The following ZBTB43 variants were observed in gnomAD, a reference collection of about 807,000 sequenced individuals.
ZBTB43 encodes zinc finger and BTB domain-containing protein 43.
A neutral mutation model predicts 31.1 loss-of-function variants in ZBTB43; 6 were observed. That is an observed-to-expected ratio of 0.19 (90% CI 0.11 to 0.38). ZBTB43 has a LOEUF of 0.38. Ranked by LOEUF, ZBTB43 falls within the 10% of genes least tolerant of loss-of-function variation. The pLI, the probability that ZBTB43 is intolerant of heterozygous loss-of-function variation, is 1.00. For missense variants in ZBTB43, 379 were observed against 602.1 expected (o/e 0.63, Z 3.88); for synonymous variants, 212 against 221.7 (o/e 0.96, Z 0.39).
chr9:126,826,898 A>G (rs1189193565), intron 2 of ZBTB43, among the ~76,000 whole-genome samples: 1 of 152,160 alleles, frequency 6.6e-6, no homozygotes, highest in East Asian at 1.9e-4. Context: ...TTGTGATTCT[A>G]GTGTTGGTGT....
rs371000662 is a variant in ZBTB43, at chr9:126,833,448, G to T, written c.939G>T (p.Glu313Asp). 1 of 1,614,068 alleles carries T rather than the reference G, an allele frequency of 6.2e-7. No individual in the cohort carries two copies. The highest frequency in any genetic ancestry group is 8.5e-7 in the Non-Finnish European group (1 of 1,180,046). ...AGGCTGATGAAAGCAATTATGATGA[G>T]CAGGTGGATTTCTATGGCTCTTCCA... ...DEQADESNYD[E>D]QVDFYGSSME... is the part of the protein sequence containing the mutation. Residue 313 changes from glutamate to aspartate, a missense_variant, in exon 3 of 3, where the codon GAG becomes GAT. This residue lies in a region of ZBTB43 where 253 missense variants were observed against 322.3 expected (regional missense o/e 0.79). Coordinates refer to ENST00000373464, the MANE Select transcript of ZBTB43 (RefSeq NM_014007.4). This position sits in a 1 kb window ranked among gnomAD's most constrained non-coding sequence, Gnocchi z 7.9.
At chr9:126,816,916 C>G in intron 2 of ZBTB43, among the ~76,000 whole-genome samples, 1 of 152,180 alleles carries the variant, frequency 6.6e-6, no homozygotes, top group South Asian at 2.1e-4. Context: ...TAATGTGCAA[C>G]CTTTGGTATC....
At chr9:126,807,625 T>G (rs2032155568) in intron 1 of ZBTB43, among the ~76,000 whole-genome samples, 1 of 151,954 alleles carries the variant, frequency 6.6e-6, no homozygotes, top group Non-Finnish European at 1.5e-5. Context: ...TTTTTTCTTG[T>G]TTTTGTTTTT....
chr9:126,828,429 C>T (rs1371077487), intron 2 of ZBTB43, among the ~76,000 whole-genome samples: 9 of 151,656 alleles, frequency 5.9e-5, no homozygotes, highest in African/African-American at 9.7e-5. Context: ...GCAATCCACC[C>T]GCCTCGGCCT....
chr9:126,807,316 G>GC (rs1327634593), intron 1 of ZBTB43, among the ~76,000 whole-genome samples: 2 of 152,140 alleles, frequency 1.3e-5, no homozygotes, highest in African/African-American at 4.8e-5. Flanking sequence ...CTATTCTAAT[G>GC]CATATATACA....
chr9:126,828,629 A>AAATAATAAT (rs369536989), intron 2 of ZBTB43, among the ~76,000 whole-genome samples: 11 of 141,108 alleles, frequency 7.8e-5, no homozygotes, highest in African/African-American at 2.9e-4. Flanking sequence ...CCCCATCTCT[A>AAATAATAAT]AATAATAATA....
At chr9:126,828,678 T>TATTATTATTA (rs78816229) in intron 2 of ZBTB43, among the ~76,000 whole-genome samples, 2 of 147,274 alleles carry the variant, frequency 1.4e-5, no homozygotes, top group African/African-American at 4.9e-5. Context: ...TTATTATTAT[T>TATTATTATTA]TTGGAGGTGT....
chr9:126,813,181 T>C (rs1336088903), intron 2 of ZBTB43, among the ~76,000 whole-genome samples: 2 of 152,068 alleles, frequency 1.3e-5, no homozygotes, highest in African/African-American at 4.8e-5. Context: ...GGTTTCACCA[T>C]GTTGGCCAGG....
At chr9:126,823,924 A>G (rs528656138) in intron 2 of ZBTB43, among the ~76,000 whole-genome samples, 1 of 152,354 alleles carries the variant, frequency 6.6e-6, no homozygotes, top group Non-Finnish European at 1.5e-5. Context: ...ATATCTTTAT[A>G]TATTGTGTAA....
intron 2 of ZBTB43, among the ~76,000 whole-genome samples, chr9:126,826,769 G>A (rs971017112): frequency 2.6e-5 from 4 of 152,126 alleles, no homozygotes; most frequent in African/African-American, 9.6e-5. Flanking sequence ...CGACCTCCTG[G>A]CCCCTTTTTA....
chr9:126,827,734 G>A (rs1340107322), intron 2 of ZBTB43, among the ~76,000 whole-genome samples: 3 of 152,136 alleles, frequency 2.0e-5, no homozygotes, highest in Non-Finnish European at 2.9e-5. Flanking sequence ...GAGGCCGGGC[G>A]AGGTGGCTCA....
At chr9:126,812,975 CT>C (rs773159172) in intron 2 of ZBTB43, among the ~76,000 whole-genome samples, 140 of 143,602 alleles carry the variant, frequency 9.7e-4, no homozygotes, top group Middle Eastern at 7.3e-3. Context: ...CCCACTGTTA[CT>C]TTTTTTTTTT....
intron 2 of ZBTB43, among the ~76,000 whole-genome samples, chr9:126,828,418 C>T (rs1385373229): frequency 1.3e-5 from 2 of 151,524 alleles, no homozygotes; most frequent in Admixed American, 6.6e-5. Flanking sequence ...CTCCTGACCT[C>T]GCAATCCACC....
rs753688302 is a variant in ZBTB43, at chr9:126,833,305, G to A, written c.796G>A (p.Glu266Lys). Reference protein sequence around the residue: ...EGMDVHATYDEHQVTESINTV... With the variant: ...EGMDVHATYDKHQVTESINTV... Reference sequence around the variant, plus strand: ...CATGGATGTGCACGCGACCTACGACGAGCACCAGGTCACAGAGTCCATCAA... The same window carrying A: ...CATGGATGTGCACGCGACCTACGACAAGCACCAGGTCACAGAGTCCATCAA... Residue 266 changes from glutamate to lysine, a missense_variant, in exon 3 of 3, where the codon GAG (glutamate) becomes AAG (lysine). By Grantham distance (56) the Glu-to-Lys change is moderately conservative. Around this residue, in one of 5 missense-constraint regions of ZBTB43, gnomAD observed 253 missense variants for 322.3 expected, o/e 0.79. Transcript: ENST00000373464. This position sits in a 1 kb window ranked among gnomAD's most constrained non-coding sequence, Gnocchi z 7.9. 4.3e-6 allele frequency: 7 copies of A among 1,612,918 alleles called. No homozygotes were observed. The highest frequency in any genetic ancestry group is 2.2e-5 in the East Asian group (1 of 44,826).
chr9:126,815,190 A>ATATATAGTTTTCAATATATAAAAC (rs2032348194), intron 2 of ZBTB43, among the ~76,000 whole-genome samples: 1 of 148,630 alleles, frequency 6.7e-6, no homozygotes, highest in African/African-American at 2.5e-5. Flanking sequence ...TATTGTTTAT[A>ATATATAGTTTTCAATATATAAAAC]TATATAGTTT....
rs905372250 is a variant in ZBTB43, at chr9:126,836,426, T to C, written c.*2513T>C. 1 of 167,060 alleles carries C rather than the reference T, an allele frequency of 6.0e-6. No individual in the cohort carries two copies. Among genetic ancestry groups the C allele is most frequent in the East Asian group, 1.9e-4 (1 of 5,194 alleles). The allele number at this position is 167,060 out of a possible 1,614,324, so 10.3% of individuals were successfully genotyped here. On this transcript the variant is annotated 3_prime_UTR_variant, in exon 3 of 3. Coordinates refer to ENST00000373464, the MANE Select transcript of ZBTB43 (RefSeq NM_014007.4). ...GTGGTATTTGAGGTTTTGGCAAAAA[T>C]TGGGATTTTTTTATCAGGCAGCCAG...
chr9:126,808,019 T>A (rs927161294), intron 1 of ZBTB43, among the ~76,000 whole-genome samples: 5 of 151,398 alleles, frequency 3.3e-5, no homozygotes, highest in African/African-American at 1.2e-4. Flanking sequence ...GAGGAAAAAA[T>A]ATTTTTTAAA....
At position 126,834,126 on chromosome 9, in the gene ZBTB43, G is replaced by C; in HGVS notation, c.*213G>C. ...CCAGTCCTGGCCTGGAATGGGTAAT[G>C]GGGTGAGTTAACCCACCGCCCAGCT... is the stretch of plus-strand genomic sequence containing the variant. On this transcript the variant is annotated 3_prime_UTR_variant, in exon 3 of 3. Coordinates refer to ENST00000373464, the MANE Select transcript of ZBTB43 (RefSeq NM_014007.4). 2.0e-6 allele frequency: 1 copy of C among 508,810 alleles called. No homozygotes were observed. Among genetic ancestry groups the C allele is most frequent in the Non-Finnish European group, 3.3e-6 (1 of 298,732 alleles). 31.5% of individuals were successfully genotyped at this position (508,810 alleles called of 1,614,324 possible). A position where few individuals can be genotyped will look rare whatever the true frequency, so the allele number is the denominator to read the frequency against.
chr9:126,820,612 A>G (rs989706922), intron 2 of ZBTB43, among the ~76,000 whole-genome samples: 1 of 152,210 alleles, frequency 6.6e-6, no homozygotes, highest in Non-Finnish European at 1.5e-5. Context: ...TGTTAATACA[A>G]CATCCATTCT....
Sources: gnomAD v4.1 joint callset for allele counts (sites outside exome capture counted in the v4.1 genomes callset) on GRCh38, gnomAD v4.1.1 for gene constraint, gnomAD v4.1.1 regional missense constraint, Gnocchi (gnomAD v3.1) non-coding constraint, MANE v1.5 for transcripts, NCBI Gene and HGNC (gene_info 2026-07-23, HGNC 2026-07-21) for gene names.